Variants in POLR3E observed in about 807,000 individuals in gnomAD.
POLR3E encodes the protein RNA polymerase III subunit E.
In POLR3E, 41 loss-of-function variants were observed where a neutral mutation model predicts 96.6. That is an observed-to-expected ratio of 0.42 (90% CI 0.33 to 0.55). The LOEUF is 0.55. Ranked by LOEUF, POLR3E falls within the 20% of genes least tolerant of loss-of-function variation. The pLI, the probability that POLR3E is intolerant of heterozygous loss-of-function variation, is 0.06. For missense variants in POLR3E, 849 were observed against 952.1 expected (o/e 0.89, Z 1.43); for synonymous variants, 396 against 383.6 (o/e 1.03, Z -0.38).
chr16:22,325,323 G>T, intron 17 of POLR3E, 57 bp downstream of exon 17: 4 of 1,390,866 alleles, frequency 2.9e-6, no homozygotes, highest in Non-Finnish European at 4.1e-6. Context: ...GCTCCGGAAG[G>T]GCTGCTGTGC....
chr16:22,332,358 G>A (rs1156327680), intron 20 of POLR3E, among the ~76,000 whole-genome samples, 173 bp downstream of exon 20: 9 of 152,142 alleles, frequency 5.9e-5, no homozygotes. Context: ...CATTGGTTGG[G>A]GAAGGGGGTA....
At position 22,328,518 on chromosome 16, in the gene POLR3E, CCA is replaced by C; in HGVS notation, c.1876_1877del (p.Gln626AspfsTer7). On this transcript the variant is annotated frameshift_variant, in exon 19 of 21. Transcript: ENST00000299853. LOFTEE classifies it high-confidence loss of function. ...CKQILVPFPP[Q>X]TAASPDEQKV... ...CCCTGGGCCTTGGTCAGTTTCCCCC[CCA>C]GACTGCTGCTTCCCCGGATGAGCAG... The C allele has an allele frequency of 5.0e-6, 8 of 1,613,992 alleles. No individual in the cohort carries two copies. Among genetic ancestry groups the C allele is most frequent in the Non-Finnish European group, 6.8e-6 (8 of 1,179,890 alleles).
chr16:22,298,620 C>G (rs943814012), intron 1 of POLR3E, among the ~76,000 whole-genome samples: 1 of 152,078 alleles, frequency 6.6e-6, no homozygotes, highest in Non-Finnish European at 1.5e-5. Context: ...ACCATACTGC[C>G]GTTTATCAGA....
chr16:22,325,946 CAGGAGGCGGAGGAGG>C lies in POLR3E; in HGVS notation c.1537_1551del (p.Glu513_Glu517del). ...CGAGGAGGGCGAGGAGGACGAGGAG[CAGGAGGCGGAGGAGG>C]AGCCCATGGACACTTCCCCCAGCGG... On this transcript the variant is annotated inframe_deletion, in exon 18 of 21. Transcript: ENST00000299853. 6.3e-7 allele frequency: 1 copy of C among 1,592,658 alleles called. No individual in the cohort carries two copies. The highest frequency in any genetic ancestry group is 1.1e-5 in the South Asian group (1 of 88,974).
At chr16:22,319,724 A>C (rs998492984) in intron 13 of POLR3E, among the ~76,000 whole-genome samples, 7 of 152,178 alleles carry the variant, frequency 4.6e-5, no homozygotes, top group African/African-American at 1.7e-4. Context: ...TTAAATTGAC[A>C]CATAATGTAC....
intron 10 of POLR3E, 115 bp downstream of exon 10, chr16:22,316,801 C>T (rs1598258642): frequency 9.9e-7 from 1 of 1,013,274 alleles, no homozygotes; most frequent in East Asian, 2.4e-5. Flanking sequence ...GGGTGGAGCC[C>T]ATTGTCCCCT....
At chr16:22,320,806 A>C (rs2048458124) in intron 13 of POLR3E, among the ~76,000 whole-genome samples, 1 of 151,940 alleles carries the variant, frequency 6.6e-6, no homozygotes, top group African/African-American at 2.4e-5. Context: ...TTTGTTCTAG[A>C]ATTCTAGATT....
intron 1 of POLR3E, among the ~76,000 whole-genome samples, chr16:22,300,101 T>C (rs1268866879): frequency 6.6e-6 from 1 of 152,218 alleles, no homozygotes; most frequent in East Asian, 1.9e-4. Context: ...TGAGTGCTTT[T>C]CACATTGCAG....
At position 22,322,480 on chromosome 16, in the gene POLR3E, T is replaced by C. The variant is rs567630886; in HGVS notation, c.987-370T>C. ...GCAGATGGCTTCATCCCTGGTTCTC[T>C]TGGTGTCACGTGCAGGGACCAGTTG... On this transcript the variant is annotated intron_variant, in intron 13 of 20. Coordinates refer to ENST00000299853, the MANE Select transcript of POLR3E (RefSeq NM_018119.4). This position sits in a 1 kb window ranked among gnomAD's most constrained non-coding sequence, Gnocchi z 5.2. 3.7e-4 allele frequency among the ~76,000 whole-genome samples: 56 copies of C among 152,234 alleles called. No individual in the cohort carries two copies. Among genetic ancestry groups the C allele is most frequent in the African/African-American group, 1.2e-3 (51 of 41,536 alleles).
intron 2 of POLR3E, 152 bp from the exon 3 acceptor site, chr16:22,305,004 G>T: frequency 1.4e-6 from 1 of 701,986 alleles, no homozygotes; most frequent in Non-Finnish European, 2.6e-6. Flanking sequence ...CCTTGGATCC[G>T]CTTGCTTTTA....
At chr16:22,312,305 G>T (rs1419342575) in intron 6 of POLR3E, among the ~76,000 whole-genome samples, 3 of 152,022 alleles carry the variant, frequency 2.0e-5, no homozygotes, top group African/African-American at 7.2e-5. Flanking sequence ...GACCAGCCTG[G>T]CCAACATGAT....
intron 19 of POLR3E, among the ~76,000 whole-genome samples, chr16:22,330,200 A>G (rs957533530): frequency 9.2e-5 from 14 of 151,834 alleles, no homozygotes; most frequent in African/African-American, 3.4e-4. Context: ...GGTAGCTGGG[A>G]TTACGGGCTT....
chr16:22,331,441 G>A (rs2048738400), intron 19 of POLR3E: 1 of 152,162 alleles, frequency 6.6e-6, no homozygotes, highest in African/African-American at 2.4e-5. Context: ...CATTTCAGCT[G>A]TGCCCTGGTG....
chr16:22,321,578 G>T (rs770551886), intron 13 of POLR3E, among the ~76,000 whole-genome samples: 1 of 152,236 alleles, frequency 6.6e-6, no homozygotes, highest in Non-Finnish European at 1.5e-5. Flanking sequence ...GCCAAGAGGG[G>T]TCCTCCCGTC....
chr16:22,315,080 C>A lies in POLR3E; in HGVS notation c.523-9C>A. 3.7e-6 allele frequency: 6 copies of A among 1,612,684 alleles called. No homozygotes were observed. The South Asian group carries it at 5.5e-5, about 15-fold the overall frequency. ...CTGACGGTATGACCTCTTCCCCTTC[C>A]CACCGCAGGTGCGGTTCTCCCGGCC... is the stretch of plus-strand genomic sequence containing the variant. On this transcript the variant is annotated splice_polypyrimidine_tract_variant and intron_variant, in intron 8 of 20. Coordinates refer to ENST00000299853, the MANE Select transcript of POLR3E (RefSeq NM_018119.4).
At chr16:22,309,790 G>A (rs969844484) in intron 6 of POLR3E, 1 of 502,072 alleles carries the variant, frequency 2.0e-6, no homozygotes, top group South Asian at 2.6e-5. Context: ...GCTAACATAA[G>A]TTTAGGGACA....
intron 13 of POLR3E, 106 bp downstream of exon 13, chr16:22,319,052 G>GTA (rs1237509696): frequency 3.1e-5 from 24 of 765,324 alleles, no homozygotes; most frequent in Middle Eastern, 4.2e-4. Context: ...TCGGCTCACT[G>GTA]TAACTTCTCC....
intron 1 of POLR3E, among the ~76,000 whole-genome samples, chr16:22,298,382 G>A (rs774448898): frequency 6.6e-6 from 1 of 152,214 alleles, no homozygotes; most frequent in Non-Finnish European, 1.5e-5. Flanking sequence ...CAGAAAACAT[G>A]TTGTCAAGTA....
chr16:22,326,925 G>A, intron 18 of POLR3E: 1 of 153,508 alleles, frequency 6.5e-6, no homozygotes, highest in Admixed American at 6.5e-5. Flanking sequence ...CAGGCCTTGA[G>A]TGTGGTATTG....
Sources: gnomAD v4.1 joint callset for allele counts (sites outside exome capture counted in the v4.1 genomes callset) on GRCh38, gnomAD v4.1.1 for gene constraint, Gnocchi (gnomAD v3.1) non-coding constraint, MANE v1.5 for transcripts, NCBI Gene and HGNC (gene_info 2026-07-23, HGNC 2026-07-21) for gene names.